DYNC2H1: variants seen among roughly 807,000 people sequenced by gnomAD.
DYNC2H1 encodes cytoplasmic dynein 2 heavy chain 1.
A neutral mutation model predicts 570.0 loss-of-function variants in DYNC2H1; 410 were observed. The ratio of observed to expected loss-of-function variants is 0.72; its 90% CI spans 0.66 to 0.78. DYNC2H1 has a LOEUF of 0.78. DYNC2H1 is among the 30% of genes least tolerant of loss of function. The probability of loss-of-function intolerance (pLI) is 0.00; values close to 1 mark genes in which losing one functional copy is unlikely to be tolerated. For missense variants in DYNC2H1, 4,865 were observed against 5,046.4 expected (o/e 0.96, Z 1.09); for synonymous variants, 1,688 against 1,677.6 (o/e 1.01, Z -0.15).
intron 45 of DYNC2H1, among the ~76,000 whole-genome samples, chr11:103,190,895 A>G (rs1371520447): frequency 6.6e-6 from 1 of 150,752 alleles, no homozygotes; most frequent in Admixed American, 6.6e-5. Context: ...TTGGAATTGC[A>G]ACCATCATAT....
At position 103,115,190 on chromosome 11, in the gene DYNC2H1, A is replaced by G; in HGVS notation, c.516A>G (p.Pro172=). The G allele has an allele frequency of 6.2e-7, 1 of 1,609,450 alleles. No individual in the cohort carries two copies. ...TGACTTTTATAGGTATCCTTACACC[A>G]AGCGATGAGTTCCAGTTTTGGATAG... The part of the protein sequence containing the change: ...KEDDTRGILT[P]SDEFQFWIEQ... Residue 172 remains proline, a synonymous_variant, in exon 4 of 89, where the codon CCA becomes CCG. Transcript: ENST00000375735.
At position 103,244,333 on chromosome 11, in the gene DYNC2H1, A is replaced by G. The variant is rs780617150; in HGVS notation, c.9918+542A>G. Among the ~76,000 whole-genome samples, 2 of 151,916 alleles carry G rather than the reference A, an allele frequency of 1.3e-5. No homozygotes were observed. The highest frequency in any genetic ancestry group is 2.9e-5 in the Non-Finnish European group (2 of 67,914). ...GTTTCATGTTTATCTTGCAGAGGAA[A>G]TTATTTTTGGTTAGGTTATTATTTT... is the stretch of plus-strand genomic sequence containing the variant. On this transcript the variant is annotated intron_variant, in intron 64 of 88. Coordinates refer to ENST00000375735, the MANE Select transcript of DYNC2H1 (RefSeq NM_001377.3). The surrounding 1 kb of genome is among the most constrained non-coding windows in gnomAD (Gnocchi z 4.3).
intron 59 of DYNC2H1, among the ~76,000 whole-genome samples, chr11:103,224,914 A>G (rs1243718637): frequency 6.6e-6 from 1 of 151,960 alleles, no homozygotes; most frequent in Non-Finnish European, 1.5e-5. Context: ...CAACATCTAT[A>G]CTTTTTTAAT....
At position 103,283,097 on chromosome 11, in the gene DYNC2H1, C is replaced by G; in HGVS notation, c.10890+12C>G. On this transcript the variant is annotated intron_variant, in intron 73 of 88. Transcript: ENST00000375735. The stretch of plus-strand genomic sequence containing the variant: ...TGGCAACATTAAAGGTATTCCTTTT[C>G]TACTATGAGACATGTTTTAATTTCT... 1 of 1,589,908 alleles carries G rather than the reference C, an allele frequency of 6.3e-7. No homozygotes were observed. Among genetic ancestry groups the G allele is most frequent in the South Asian group, 1.1e-5 (1 of 88,082 alleles).
At chr11:103,188,741 T>G (rs1351012576) in intron 44 of DYNC2H1, 93 bp downstream of exon 44, 1 of 1,057,504 alleles carries the variant, frequency 9.5e-7, no homozygotes, top group Admixed American at 3.8e-5. Context: ...ACTTTAAAAT[T>G]TAGAATATAA....
At chr11:103,255,556 T>A in intron 67 of DYNC2H1, 22 bp downstream of exon 67, 1 of 1,511,986 alleles carries the variant, frequency 6.6e-7, no homozygotes, top group Non-Finnish European at 8.8e-7. Flanking sequence ...GCTATTTAGG[T>A]TACTTTTTTC....
intron 84 of DYNC2H1, among the ~76,000 whole-genome samples, chr11:103,412,951 C>T (rs969510237): frequency 7.2e-5 from 11 of 152,070 alleles, no homozygotes; most frequent in African/African-American, 2.2e-4. Flanking sequence ...GTCTCCAGAC[C>T]AATATCATTA....
chr11:103,471,862 G>A (rs550098463), intron 88 of DYNC2H1, among the ~76,000 whole-genome samples: 77 of 152,228 alleles, frequency 5.1e-4, no homozygotes, highest in African/African-American at 1.8e-3. Flanking sequence ...AAAGTGCTTT[G>A]ATAGATGAGG....
At chr11:103,397,463 C>T (rs1877756) in intron 83 of DYNC2H1, among the ~76,000 whole-genome samples, 77,708 of 152,060 alleles carry the variant, frequency 0.51, 20,165 homozygotes, top group African/African-American at 0.62. Flanking sequence ...TTCAAGACTA[C>T]GTAACATACA....
chr11:103,144,014 C>G (rs1860106840), intron 18 of DYNC2H1, among the ~76,000 whole-genome samples: 1 of 152,158 alleles, frequency 6.6e-6, no homozygotes, highest in Non-Finnish European at 1.5e-5. Flanking sequence ...TCAATAAATA[C>G]TTAGTGCACA....
intron 83 of DYNC2H1, among the ~76,000 whole-genome samples, chr11:103,375,499 G>C (rs1054644765): frequency 6.6e-6 from 1 of 152,202 alleles, no homozygotes; most frequent in Non-Finnish European, 1.5e-5. Flanking sequence ...TGTGAAAGCA[G>C]CCAGGAGAGG....
chr11:103,154,500 AG>A lies in DYNC2H1; in HGVS notation c.3353del (p.Ser1118IlefsTer46), dbSNP rs755338872. ...RLEEPNFSLA[S>X]SISKDIESCA... ...GGAAGAGCCTAATTTCTCCCTGGCAAGTAGTATCTCTAAAGATATCGAGAGC... is the reference window on the plus strand; with the variant it reads ...GGAAGAGCCTAATTTCTCCCTGGCAATAGTATCTCTAAAGATATCGAGAGC... On this transcript the variant is annotated frameshift_variant, in exon 23 of 89. Transcript: ENST00000375735. LOFTEE classifies it high-confidence loss of function. The A allele has an allele frequency of 5.0e-5, 78 of 1,566,604 alleles. No homozygotes were observed. Among genetic ancestry groups the A allele is most frequent in the Non-Finnish European group, 6.5e-5 (75 of 1,157,180 alleles).
At chr11:103,427,264 A>C (rs530567672) in intron 84 of DYNC2H1, among the ~76,000 whole-genome samples, 58 of 152,334 alleles carry the variant, frequency 3.8e-4, no homozygotes, top group African/African-American at 1.3e-3. Flanking sequence ...CAAGGAATGT[A>C]ATAGCATGAA....
chr11:103,393,299 C>G (rs951938528), intron 83 of DYNC2H1, among the ~76,000 whole-genome samples: 23 of 152,268 alleles, frequency 1.5e-4, no homozygotes, highest in Non-Finnish European at 1.3e-4. Context: ...TGTGTTAGGC[C>G]TCTTAATGTG....
At chr11:103,342,267 A>G (rs1184073968) in intron 82 of DYNC2H1, among the ~76,000 whole-genome samples, 2 of 152,114 alleles carry the variant, frequency 1.3e-5, no homozygotes, top group Non-Finnish European at 2.9e-5. Context: ...AGCACCCTGT[A>G]AAATGGACCA....
chr11:103,202,614 A>C (rs1478712896), intron 50 of DYNC2H1, among the ~76,000 whole-genome samples: 1 of 152,054 alleles, frequency 6.6e-6, no homozygotes, highest in Admixed American at 6.6e-5. Context: ...AAGTATGTAC[A>C]AGCTTGTGGG....
intron 85 of DYNC2H1, among the ~76,000 whole-genome samples, chr11:103,437,369 C>G (rs1341380008): frequency 6.6e-6 from 1 of 152,110 alleles, no homozygotes; most frequent in East Asian, 1.9e-4. Context: ...TTCCCTTGTT[C>G]TTCTGTCTTT....
At position 103,244,903 on chromosome 11, in the gene DYNC2H1, A is replaced by G. The variant is rs1026381150; in HGVS notation, c.9919-348A>G. On this transcript the variant is annotated intron_variant, in intron 64 of 88. Coordinates refer to ENST00000375735, the MANE Select transcript of DYNC2H1 (RefSeq NM_001377.3). This position sits in a 1 kb window ranked among gnomAD's most constrained non-coding sequence, Gnocchi z 4.3. ...ACATACCACACATACACACACACAT[A>G]CACACGCCTGGGGTGATGTTTAAAA... Among the ~76,000 whole-genome samples, 1 of 151,264 alleles carries G rather than the reference A, an allele frequency of 6.6e-6. No homozygotes were observed. Among genetic ancestry groups the G allele is most frequent in the African/African-American group, 2.4e-5 (1 of 41,282 alleles).
chr11:103,155,450 T>C lies in DYNC2H1; in HGVS notation c.3693T>C (p.Gly1231=). The C allele has an allele frequency of 6.2e-7, 1 of 1,612,538 alleles. No individual in the cohort carries two copies. The highest frequency in any genetic ancestry group is 8.5e-7 in the Non-Finnish European group (1 of 1,179,092). ...RGTSLEKLLF[G]DLLRVADTIV... is the part of the protein sequence containing the mutation. ...CTAGTCTAGAGAAACTACTGTTTGG[T>C]GATTTGCTCAGAGTAGCTGATACAA... is the stretch of plus-strand genomic sequence containing the variant. The change falls in exon 25 of 89, where the codon GGT becomes GGC. Residue 1231 remains glycine, a synonymous_variant. Transcript: ENST00000375735.
Sources: allele counts gnomAD v4.1 joint callset (sites outside exome capture counted in the v4.1 genomes callset), GRCh38; gene constraint gnomAD v4.1.1; non-coding constraint Gnocchi (gnomAD v3.1); transcripts MANE v1.5; gene names NCBI Gene and HGNC (gene_info 2026-07-23, HGNC 2026-07-21).